DPP10: variants seen among roughly 807,000 people sequenced by gnomAD.
DPP10 encodes dipeptidyl peptidase like 10, also known as inactive dipeptidyl peptidase 10.
Under a neutral mutation model 120.9 loss-of-function variants are expected in DPP10, and 33 were observed. The observed-to-expected ratio is 0.27, with a 90% CI of 0.21 to 0.37. The LOEUF is 0.37. Ranked by LOEUF, DPP10 falls within the 10% of genes least tolerant of loss-of-function variation. The probability of loss-of-function intolerance (pLI) is 1.00; values close to 1 mark genes in which losing one functional copy is unlikely to be tolerated. For synonymous variants in DPP10, 337 were observed against 326.1 expected (o/e 1.03, Z -0.36); for missense variants, 816 against 942.8 (o/e 0.87, Z 1.76).
intron 1 of DPP10, among the ~76,000 whole-genome samples, chr2:114,837,891 C>T (rs1255335720): frequency 6.6e-6 from 1 of 152,182 alleles, no homozygotes; most frequent in African/African-American, 2.4e-5. Context: ...AACAGCAGCC[C>T]ACTTATGGTA....
chr2:115,374,473 T>G (rs1194939710), intron 3 of DPP10, among the ~76,000 whole-genome samples: 1 of 152,194 alleles, frequency 6.6e-6, no homozygotes, highest in African/African-American at 2.4e-5. Context: ...TGGTGCGTGC[T>G]GTTGGTGGGC....
intron 15 of DPP10, among the ~76,000 whole-genome samples, chr2:115,780,608 T>A (rs977682139): frequency 4.6e-5 from 7 of 151,874 alleles, no homozygotes; most frequent in Non-Finnish European, 1.0e-4. Flanking sequence ...CAGTTCTTTG[T>A]TTATAGCCAT....
At chr2:114,939,015 A>G (rs1179635380) in intron 1 of DPP10, among the ~76,000 whole-genome samples, 2 of 152,072 alleles carry the variant, frequency 1.3e-5, no homozygotes, top group African/African-American at 4.8e-5. Context: ...TATTTCCCAT[A>G]CTTATGAGTG....
chr2:115,464,836 G>C lies in DPP10; in HGVS notation c.272-34674G>C, dbSNP rs539920080. Among the ~76,000 whole-genome samples the C allele has an allele frequency of 3.4e-3, 514 of 152,196 alleles. 3 individuals carry two copies. The highest frequency in any genetic ancestry group is 5.6e-3 in the Non-Finnish European group (380 of 68,010). Reference sequence around the variant, plus strand: ...GAGGAGGGAGAGAGAACCCTCCAACGTGCAGAGACTGGGTGTCCTTGATCT... The same window carrying C: ...GAGGAGGGAGAGAGAACCCTCCAACCTGCAGAGACTGGGTGTCCTTGATCT... On this transcript the variant is annotated intron_variant, in intron 3 of 25. Transcript: ENST00000410059.
chr2:115,461,810 T>A (rs2074002647), intron 3 of DPP10, among the ~76,000 whole-genome samples: 2 of 152,188 alleles, frequency 1.3e-5, no homozygotes, highest in African/African-American at 4.8e-5. Flanking sequence ...TTACAGATTA[T>A]TTTCCCTTTG....
At chr2:115,382,237 C>T (rs998131645) in intron 3 of DPP10, among the ~76,000 whole-genome samples, 1 of 152,208 alleles carries the variant, frequency 6.6e-6, no homozygotes, top group Non-Finnish European at 1.5e-5. Context: ...CCCTCTGAGC[C>T]ATGTGCGGGA....
rs1442284019 is a variant in DPP10, at chr2:115,844,672, A to C, written c.*2327A>C. The C allele has an allele frequency of 2.0e-5, 3 of 152,148 alleles. No individual in the cohort carries two copies. The highest frequency in any genetic ancestry group is 4.4e-5 in the Non-Finnish European group (3 of 68,012). The allele number at this position is 152,148 out of a possible 1,614,324, so 9.4% of individuals were successfully genotyped here. ...CCCTTGGTCATAATCCCACTATTTC[A>C]TACATATTTATGCATTGCTAGATTT... On this transcript the variant is annotated 3_prime_UTR_variant, in exon 26 of 26. Transcript: ENST00000410059.
At chr2:115,713,811 T>C (rs1314972168) in intron 7 of DPP10, among the ~76,000 whole-genome samples, 4 of 152,176 alleles carry the variant, frequency 2.6e-5, no homozygotes, top group African/African-American at 9.7e-5. Context: ...TTCAAGTCTC[T>C]TCAGAGAGAC....
At chr2:114,497,060 T>TACAC (rs1682591625) in intron 1 of DPP10, among the ~76,000 whole-genome samples, 2 of 140,796 alleles carry the variant, frequency 1.4e-5, no homozygotes, top group Non-Finnish European at 3.2e-5. Flanking sequence ...CACATACATA[T>TACAC]ATACATACAC....
intron 5 of DPP10, among the ~76,000 whole-genome samples, chr2:115,574,953 G>A (rs1406281056): frequency 1.3e-5 from 2 of 152,214 alleles, no homozygotes; most frequent in African/African-American, 4.8e-5. Flanking sequence ...TGCCTAGAAA[G>A]AAAGCTCTGT....
chr2:114,577,872 C>T (rs1488280239), intron 1 of DPP10, among the ~76,000 whole-genome samples: 2 of 152,102 alleles, frequency 1.3e-5, no homozygotes, highest in Non-Finnish European at 2.9e-5. Flanking sequence ...TGTAAGCCTC[C>T]CTCTGTTCCC....
At chr2:114,959,757 T>A (rs1430086525) in intron 1 of DPP10, among the ~76,000 whole-genome samples, 1 of 152,224 alleles carries the variant, frequency 6.6e-6, no homozygotes, top group South Asian at 2.1e-4. Context: ...TCAATGTAAC[T>A]GTTCTGTGGG....
intron 1 of DPP10, among the ~76,000 whole-genome samples, chr2:114,611,558 A>C (rs1693289242): frequency 6.6e-6 from 1 of 152,166 alleles, no homozygotes; most frequent in Non-Finnish European, 1.5e-5. Flanking sequence ...TGGTAGTTTA[A>C]TATTCTAATT....
intron 12 of DPP10, among the ~76,000 whole-genome samples, chr2:115,764,860 G>A (rs1417204942): frequency 6.6e-6 from 1 of 152,046 alleles, no homozygotes; most frequent in African/African-American, 2.4e-5. Flanking sequence ...AAATTTCTAA[G>A]ATAATTATAA....
intron 7 of DPP10, among the ~76,000 whole-genome samples, chr2:115,711,237 A>C (rs1175335810): frequency 6.6e-6 from 1 of 152,162 alleles, no homozygotes; most frequent in African/African-American, 2.4e-5. Context: ...TATATACATT[A>C]ATTTGCAGAA....
chr2:114,909,135 C>T (rs1303104997), intron 1 of DPP10, among the ~76,000 whole-genome samples: 4 of 151,692 alleles, frequency 2.6e-5, no homozygotes, highest in Admixed American at 6.6e-5. Context: ...ACTATATTAT[C>T]GTTAGGCAGA....
intron 1 of DPP10, among the ~76,000 whole-genome samples, chr2:115,009,931 G>A (rs1314920260): frequency 6.6e-6 from 1 of 152,104 alleles, no homozygotes; most frequent in Non-Finnish European, 1.5e-5. Context: ...GATAAGTACT[G>A]TAACAGTGGA....
chr2:114,899,704 T>C (rs1693380091), intron 1 of DPP10, among the ~76,000 whole-genome samples: 1 of 152,194 alleles, frequency 6.6e-6, no homozygotes, highest in African/African-American at 2.4e-5. Context: ...ACGCCTGTAA[T>C]CCCAGCACTT....
intron 5 of DPP10, among the ~76,000 whole-genome samples, chr2:115,689,415 T>C (rs941993182): frequency 5.3e-5 from 8 of 152,108 alleles, no homozygotes; most frequent in African/African-American, 1.9e-4. Flanking sequence ...TTACAGGCAA[T>C]AGGGCATTAG....
Sources: allele counts gnomAD v4.1 joint callset (sites outside exome capture counted in the v4.1 genomes callset), GRCh38; gene constraint gnomAD v4.1.1; transcripts MANE v1.5; gene names NCBI Gene and HGNC (gene_info 2026-07-23, HGNC 2026-07-21).